SLC6A5: variants seen among roughly 807,000 people sequenced by gnomAD.
SLC6A5 encodes the protein sodium- and chloride-dependent glycine transporter 2.
Under a neutral mutation model 90.5 loss-of-function variants are expected in SLC6A5, and 58 were observed. The ratio of observed to expected loss-of-function variants is 0.64; its 90% CI spans 0.52 to 0.80. SLC6A5 has a LOEUF of 0.80. Ranked by LOEUF, SLC6A5 falls within the 30% of genes least tolerant of loss-of-function variation. The pLI, the probability that SLC6A5 is intolerant of heterozygous loss-of-function variation, is 0.00. For missense variants in SLC6A5, 1,015 were observed against 1,017.6 expected (o/e 1.00, Z 0.03); for synonymous variants, 427 against 401.4 (o/e 1.06, Z -0.76).
intron 6 of SLC6A5, among the ~76,000 whole-genome samples, chr11:20,615,845 A>T (rs1006828548): frequency 3.9e-5 from 6 of 152,364 alleles, no homozygotes; most frequent in Admixed American, 2.6e-4. Flanking sequence ...TGGGGACTGT[A>T]GCAAACCAAA....
intron 13 of SLC6A5, among the ~76,000 whole-genome samples, chr11:20,640,947 G>C (rs1853301796): frequency 1.3e-5 from 2 of 152,076 alleles, no homozygotes; most frequent in South Asian, 2.1e-4. Context: ...ATAATCTCTA[G>C]ATTCTAGAGG....
chr11:20,641,942 G>C (rs1208829682), intron 13 of SLC6A5, among the ~76,000 whole-genome samples: 1 of 152,024 alleles, frequency 6.6e-6, no homozygotes, highest in Non-Finnish European at 1.5e-5. Context: ...AAAATCCTTG[G>C]AGGTGGCATC....
chr11:20,628,129 C>T (rs1853037618), intron 9 of SLC6A5, 46 bp downstream of exon 9: 1 of 1,414,796 alleles, frequency 7.1e-7, no homozygotes, highest in East Asian at 2.3e-5. Context: ...GTGAGTGGGA[C>T]AGAAGAATGG....
At chr11:20,606,327 C>T (rs1852580363) in intron 3 of SLC6A5, among the ~76,000 whole-genome samples, 2 of 152,286 alleles carry the variant, frequency 1.3e-5, no homozygotes, top group Non-Finnish European at 1.5e-5. Flanking sequence ...ATCAAGTGAT[C>T]GGTGCCTGGA....
chr11:20,606,387 C>A (rs1038948138), intron 3 of SLC6A5, among the ~76,000 whole-genome samples: 1 of 152,148 alleles, frequency 6.6e-6, no homozygotes, highest in Non-Finnish European at 1.5e-5. Flanking sequence ...GAGGAGGAAG[C>A]ATTTGAGTTG....
At chr11:20,613,197 T>G (rs760807885) in intron 5 of SLC6A5, among the ~76,000 whole-genome samples, 14 of 152,228 alleles carry the variant, frequency 9.2e-5, no homozygotes, top group Non-Finnish European at 4.4e-5. Flanking sequence ...TTTCCTTATC[T>G]GTAACATAGA....
chr11:20,600,468 A>T (rs1017388730), intron 1 of SLC6A5, among the ~76,000 whole-genome samples: 1 of 152,184 alleles, frequency 6.6e-6, no homozygotes, highest in Non-Finnish European at 1.5e-5. Context: ...GGGAATCTGG[A>T]AGTGAATACG....
intron 14 of SLC6A5, among the ~76,000 whole-genome samples, chr11:20,650,701 C>G (rs1207557936): frequency 1.6e-5 from 2 of 123,256 alleles, no homozygotes; most frequent in Non-Finnish European, 3.2e-5. Context: ...GAGTCTCGCT[C>G]TGTCGCCCAG....
intron 6 of SLC6A5, 123 bp downstream of exon 6, chr11:20,614,943 T>C: frequency 6.1e-6 from 6 of 983,974 alleles, no homozygotes; most frequent in East Asian, 2.4e-5. Flanking sequence ...GAAGGTTTTT[T>C]CCCTGGTTTG....
intron 7 of SLC6A5, among the ~76,000 whole-genome samples, chr11:20,625,615 C>A (rs1375046711): frequency 6.6e-6 from 1 of 152,194 alleles, no homozygotes; most frequent in Admixed American, 6.5e-5. Flanking sequence ...TCCAGCAATA[C>A]CCTTTTGCTG....
At chr11:20,612,094 AAAGGG>A (rs1178147813) in intron 5 of SLC6A5, among the ~76,000 whole-genome samples, 1 of 152,200 alleles carries the variant, frequency 6.6e-6, no homozygotes, top group African/African-American at 2.4e-5. Context: ...AGAACTACTG[AAAGGG>A]AAGGGATTCT....
At position 20,617,933 on chromosome 11, in the gene SLC6A5, G is replaced by A. The variant is rs11827415; in HGVS notation, c.1260+49G>A. On this transcript the variant is annotated intron_variant, in intron 7 of 15. Transcript: ENST00000525748. ...AGAAAGCTGTGAGACACCCAGGGGC[G>A]GTTGCTTTGGGGAGCAGGCAGAGCA... 623,109 of 1,592,944 alleles carry A rather than the reference G, an allele frequency of 0.39. 123,728 individuals carry two copies. Among genetic ancestry groups the A allele is most frequent in the South Asian group, 0.53 (47,662 of 90,538 alleles).
rs1424072111 is a variant in SLC6A5 at position 20,658,844 on chromosome 11, G to A, written c.*3976G>A. Reference sequence around the variant, plus strand: ...TTAGTAATTGACTAAAAACTGTTTTGTCTCTCATTTGTTTGTGGTTTTTGC... The same window carrying A: ...TTAGTAATTGACTAAAAACTGTTTTATCTCTCATTTGTTTGTGGTTTTTGC... On this transcript the variant is annotated 3_prime_UTR_variant, in exon 16 of 16. Coordinates refer to ENST00000525748, the MANE Select transcript of SLC6A5 (RefSeq NM_004211.5). 6.6e-6 allele frequency: 1 copy of A among 151,984 alleles called. No homozygotes were observed. The highest frequency in any genetic ancestry group is 1.5e-5 in the Non-Finnish European group (1 of 68,000). 9.4% of individuals were successfully genotyped at this position (151,984 alleles called of 1,614,324 possible).
chr11:20,600,665 GC>G (rs1852453031), intron 1 of SLC6A5, among the ~76,000 whole-genome samples: 1 of 152,210 alleles, frequency 6.6e-6, no homozygotes, highest in Non-Finnish European at 1.5e-5. Context: ...AGGTGCCAGG[GC>G]ATCAGCTTTG....
intron 7 of SLC6A5, among the ~76,000 whole-genome samples, chr11:20,620,066 A>C (rs1014909776): frequency 6.6e-6 from 1 of 152,198 alleles, no homozygotes; most frequent in Non-Finnish European, 1.5e-5. Context: ...GCAATTGCTC[A>C]ACAAGACTAG....
chr11:20,623,741 C>T (rs1002263184), intron 7 of SLC6A5, among the ~76,000 whole-genome samples: 1 of 151,992 alleles, frequency 6.6e-6, no homozygotes, highest in Non-Finnish European at 1.5e-5. Context: ...TCCTAGGAGC[C>T]AGGCACACTC....
intron 13 of SLC6A5, among the ~76,000 whole-genome samples, chr11:20,646,295 G>A (rs984897555): frequency 2.2e-4 from 33 of 152,180 alleles, no homozygotes; most frequent in African/African-American, 7.5e-4. Flanking sequence ...ATTGACACTT[G>A]GAATTTACGT....
intron 13 of SLC6A5, among the ~76,000 whole-genome samples, chr11:20,645,330 G>T (rs1853392013): frequency 6.6e-6 from 1 of 152,050 alleles, no homozygotes; most frequent in African/African-American, 2.4e-5. Flanking sequence ...TCAGATGAGG[G>T]CAGCTAGTAC....
intron 13 of SLC6A5, 76 bp downstream of exon 13, chr11:20,638,634 A>G (rs1232020978): frequency 6.9e-6 from 6 of 868,068 alleles, no homozygotes; most frequent in Admixed American, 6.8e-5. Context: ...CAGATTTCCC[A>G]TACTTAATAA....
Sources: gnomAD v4.1 joint callset for allele counts (sites outside exome capture counted in the v4.1 genomes callset) on GRCh38, gnomAD v4.1.1 for gene constraint, MANE v1.5 for transcripts, NCBI Gene and HGNC (gene_info 2026-07-23, HGNC 2026-07-21) for gene names.